LPXN: variants seen among roughly 807,000 people sequenced by gnomAD.
LPXN encodes the protein leupaxin.
In LPXN, 28 loss-of-function variants were observed where a neutral mutation model predicts 45.6. That is an observed-to-expected ratio of 0.61 (90% confidence interval 0.45 to 0.84). LPXN has a LOEUF of 0.84. LPXN is among the 40% of genes least tolerant of loss of function. The pLI is 0.00. For synonymous variants in LPXN, 166 were observed against 169.9 expected (o/e 0.98, Z 0.18); for missense variants, 459 against 475.0 (o/e 0.97, Z 0.31).
chr11:58,551,061 T>C lies in LPXN; in HGVS notation c.486+4A>G. 1 of 1,559,050 alleles carries C rather than the reference T, an allele frequency of 6.4e-7. No homozygotes were observed. The highest frequency in any genetic ancestry group is 1.2e-5 in the South Asian group (1 of 82,702). On this transcript the variant is annotated splice_donor_region_variant and intron_variant, in intron 5 of 8. Transcript: ENST00000395074. Reference sequence around the variant, plus strand: ...TGTAGGACCAAAATTTCAGCCCATCTCACCTTCCCAGCAATCGGTTTCTGG... The same window carrying C: ...TGTAGGACCAAAATTTCAGCCCATCCCACCTTCCCAGCAATCGGTTTCTGG...
upstream of LPXN, among the ~76,000 whole-genome samples, chr11:58,578,863 G>C (rs921772333): frequency 6.6e-6 from 1 of 151,826 alleles, no homozygotes; most frequent in Non-Finnish European, 1.5e-5. Context: ...AGGTCACTTT[G>C]GGATTGTCGC....
At chr11:58,557,702 G>C (rs191793841) in intron 3 of LPXN, among the ~76,000 whole-genome samples, 27 of 152,208 alleles carry the variant, frequency 1.8e-4, no homozygotes, top group African/African-American at 6.3e-4. Flanking sequence ...AATTTTGGCT[G>C]TTCTTGCCAC....
At chr11:58,549,621 T>C (rs1021652064) in intron 7 of LPXN, among the ~76,000 whole-genome samples, 165 bp downstream of exon 7, 1 of 152,138 alleles carries the variant, frequency 6.6e-6, no homozygotes, top group Non-Finnish European at 1.5e-5. Context: ...TAAAGGGAAA[T>C]TATAAATGTT....
At chr11:58,558,540 C>CAAAAAAAAA (rs35870490) in intron 3 of LPXN, among the ~76,000 whole-genome samples, 37 of 47,942 alleles carry the variant, frequency 7.7e-4, no homozygotes, top group Non-Finnish European at 9.7e-4. Flanking sequence ...GAGACCCTGT[C>CAAAAAAAAA]AAAAAAAAAA....
At chr11:58,551,720 G>T (rs1854056829) in intron 4 of LPXN, among the ~76,000 whole-genome samples, 1 of 152,140 alleles carries the variant, frequency 6.6e-6, no homozygotes, top group South Asian at 2.1e-4. Context: ...AATATATGTT[G>T]TAATGTCAGA....
chr11:58,538,119 T>G (rs1189471019), intron 7 of LPXN, among the ~76,000 whole-genome samples: 2 of 152,144 alleles, frequency 1.3e-5, no homozygotes, highest in Non-Finnish European at 2.9e-5. Context: ...TTTTTATGGC[T>G]GCACAGTATT....
Position 58,550,125 on chromosome 11 carries a change from A to G in LPXN, c.508T>C (p.Ser170Pro), listed in dbSNP as rs1565194030. ...CAGACAAAATGCTCAGGATGCCATGATTGCCCTAGAGCATGGATCACCTGT... is the reference window on the plus strand; with the variant it reads ...CAGACAAAATGCTCAGGATGCCATGGTTGCCCTAGAGCATGGATCACCTGT... ...AGKVIHALGQ[S>P]WHPEHFVCTH... Residue 170 changes from serine to proline, a missense_variant, in exon 6 of 9, where the codon TCA (serine) becomes CCA (proline). Transcript: ENST00000395074. 1 of 1,614,054 alleles carries G rather than the reference A, an allele frequency of 6.2e-7. No homozygotes were observed. The highest frequency in any genetic ancestry group is 1.1e-5 in the South Asian group (1 of 91,080).
At chr11:58,538,539 T>C (rs1421531794) in intron 7 of LPXN, among the ~76,000 whole-genome samples, 1 of 152,196 alleles carries the variant, frequency 6.6e-6, no homozygotes, top group African/African-American at 2.4e-5. Flanking sequence ...GTGAGCATTT[T>C]TTCATGTGTT....
intron 7 of LPXN, among the ~76,000 whole-genome samples, chr11:58,534,097 C>G (rs1853476963): frequency 1.3e-5 from 2 of 152,138 alleles, no homozygotes; most frequent in Non-Finnish European, 2.9e-5. Context: ...ACCCCACTGT[C>G]AATATTAGAC....
intron 3 of LPXN, among the ~76,000 whole-genome samples, chr11:58,559,267 AAC>A (rs1244376341): frequency 6.6e-6 from 1 of 152,044 alleles, no homozygotes; most frequent in Admixed American, 6.6e-5. Flanking sequence ...TAAATTTATA[AAC>A]ACTTTTGCAA....
At chr11:58,529,382 G>A (rs574600084) in intron 7 of LPXN, among the ~76,000 whole-genome samples, 7 of 152,064 alleles carry the variant, frequency 4.6e-5, no homozygotes, top group South Asian at 2.1e-4. Flanking sequence ...AGGCCGAGGC[G>A]GGTGGATCAC....
At chr11:58,568,152 T>G (rs776877512) in intron 2 of LPXN, among the ~76,000 whole-genome samples, 1 of 152,194 alleles carries the variant, frequency 6.6e-6, no homozygotes, top group Non-Finnish European at 1.5e-5. Flanking sequence ...TGCTACCACC[T>G]AAGATCAGAA....
At chr11:58,532,272 G>T (rs537444291) in intron 7 of LPXN, among the ~76,000 whole-genome samples, 15 of 152,340 alleles carry the variant, frequency 9.8e-5, no homozygotes, top group African/African-American at 3.4e-4. Flanking sequence ...GACAGGTGCT[G>T]CCCCCTGCTC....
At chr11:58,563,782 G>A (rs1389625493) in intron 3 of LPXN, among the ~76,000 whole-genome samples, 1 of 152,164 alleles carries the variant, frequency 6.6e-6, no homozygotes, top group Non-Finnish European at 1.5e-5. Context: ...CCTCATCCTA[G>A]CTCTGACATT....
chr11:58,551,109 G>A lies in LPXN; in HGVS notation c.442C>T (p.Pro148Ser), dbSNP rs12271558. 30 of 1,605,908 alleles carry A rather than the reference G, an allele frequency of 1.9e-5. No homozygotes were observed. Among genetic ancestry groups the A allele is most frequent in the Admixed American group, 6.8e-5 (4 of 58,846 alleles). ...ELQDLGIATVPKGHCASCQKP... is the reference protein window; with the variant it reads ...ELQDLGIATVSKGHCASCQKP... Reference sequence around the variant, plus strand: ...TGGCAGGATGCACAATGGCCCTTGGGCACTGTGGCAATGCCAAGGTCCTGC... The same window carrying A: ...TGGCAGGATGCACAATGGCCCTTGGACACTGTGGCAATGCCAAGGTCCTGC... Residue 148 changes from proline to serine, a missense_variant, in exon 5 of 9, where the codon CCC becomes TCC. Physicochemically the swap from Pro to Ser is moderately conservative, Grantham distance 74. Transcript: ENST00000395074.
chr11:58,545,293 TG>T (rs1395776881), intron 7 of LPXN, among the ~76,000 whole-genome samples: 1 of 152,138 alleles, frequency 6.6e-6, no homozygotes, highest in African/African-American at 2.4e-5. Flanking sequence ...TCCTATGGAT[TG>T]GGTATTTTTT....
chr11:58,542,688 C>A (rs1422892184), intron 7 of LPXN, among the ~76,000 whole-genome samples: 2 of 151,234 alleles, frequency 1.3e-5, no homozygotes, highest in Admixed American at 6.6e-5. Context: ...TACATAAATC[C>A]CTAATGGAAT....
At chr11:58,569,028 G>A (rs1854601325) in intron 2 of LPXN, among the ~76,000 whole-genome samples, 1 of 152,176 alleles carries the variant, frequency 6.6e-6, no homozygotes, top group South Asian at 2.1e-4. Flanking sequence ...CTAACACTGA[G>A]AACAAAGACA....
chr11:58,570,119 C>G (rs912973850), intron 2 of LPXN, among the ~76,000 whole-genome samples: 2 of 151,988 alleles, frequency 1.3e-5, no homozygotes, highest in African/African-American at 4.8e-5. Context: ...GCCTGGCCAA[C>G]ATGACAAAAC....
Sources: allele counts gnomAD v4.1 joint callset (sites outside exome capture counted in the v4.1 genomes callset), GRCh38; gene constraint gnomAD v4.1.1; transcripts MANE v1.5; gene names NCBI Gene and HGNC (gene_info 2026-07-23, HGNC 2026-07-21).